BTN3A1: variants seen among roughly 807,000 people sequenced by gnomAD.
The protein encoded by BTN3A1 is butyrophilin subfamily 3 member A1, also known as dJ45P21.3 (butyrophilin, subfamily 3, member A1).
A neutral mutation model predicts 43.0 loss-of-function variants in BTN3A1; 24 were observed. The ratio of observed to expected loss-of-function variants is 0.56; its 90% CI spans 0.40 to 0.78. The LOEUF (loss-of-function observed/expected upper bound fraction) is 0.78. Among genes scored for constraint, BTN3A1 ranks in the 30% least tolerant of loss-of-function variants. The probability of loss-of-function intolerance (pLI) is 0.00; values close to 1 mark genes in which losing one functional copy is unlikely to be tolerated. For synonymous variants in BTN3A1, 181 were observed against 234.7 expected, an observed-to-expected ratio of 0.77 and a Z score of 2.09; for missense variants, 533 against 626.2, an observed-to-expected ratio of 0.85 and a Z score of 1.59.
Position 26,413,476 on chromosome 6 carries a change from G to A in BTN3A1, c.1326G>A (p.Arg442=). 6.2e-7 allele frequency: 1 copy of A among 1,614,116 alleles called. No homozygotes were observed. Residue 442 remains arginine, a synonymous_variant, in exon 10 of 10, where the codon CGG becomes CGA. Coordinates refer to ENST00000289361, the MANE Select transcript of BTN3A1 (RefSeq NM_007048.6). ...TMGLTDGNKY[R]TLTEPRTNLK... ...GGCTGACTGATGGGAATAAGTATCGGACTCTAACTGAGCCCAGAACCAACC... is the reference window on the plus strand; with the variant it reads ...GGCTGACTGATGGGAATAAGTATCGAACTCTAACTGAGCCCAGAACCAACC...
rs1762074831 is a variant in BTN3A1 at position 26,407,874 on chromosome 6, A to G, written c.637A>G (p.Ser213Gly). 1.2e-6 allele frequency: 2 copies of G among 1,614,100 alleles called. No homozygotes were observed. The highest frequency in any genetic ancestry group is 2.2e-5 in the South Asian group (2 of 91,090). ...AVAASVIMRG[S>G]SGEGVSCTIR... is the part of the protein sequence containing the mutation. ...AGCAGCATCTGTGATCATGAGAGGC[A>G]GCTCTGGGGAGGGTGTATCCTGTAC... The change falls in exon 4 of 10, where the codon AGC (serine) becomes GGC (glycine). Residue 213 changes from serine to glycine, a missense_variant. Physicochemically the swap from Ser to Gly is moderately conservative, Grantham distance 56. Transcript: ENST00000289361.
Position 26,414,052 on chromosome 6 carries a change from G to A in BTN3A1, c.*360G>A, listed in dbSNP as rs1762313951. The A allele has an allele frequency of 3.1e-6, 1 of 322,514 alleles. No homozygotes were observed. The highest frequency in any genetic ancestry group is 2.8e-5 in the South Asian group (1 of 35,276). The allele number at this position is 322,514 out of a possible 1,614,324, so 20.0% of individuals were successfully genotyped here. A position where few individuals can be genotyped will look rare whatever the true frequency, so the allele number is the denominator to read the frequency against. On this transcript the variant is annotated 3_prime_UTR_variant, in exon 10 of 10. Transcript: ENST00000289361. ...TAACAACACAGCTGGGATCTAAACAGCAATAACTAACATTAATGGAGAACT... is the reference window on the plus strand; with the variant it reads ...TAACAACACAGCTGGGATCTAAACAACAATAACTAACATTAATGGAGAACT...
intron 3 of BTN3A1, 92 bp from the exon 4 acceptor site, chr6:26,407,579 T>A: frequency 1.4e-6 from 2 of 1,447,906 alleles, no homozygotes; most frequent in Non-Finnish European, 1.9e-6. Flanking sequence ...AAATTGTTCT[T>A]GAATTATGGA....
chr6:26,410,980 G>A, intron 7 of BTN3A1, 129 bp from the exon 8 acceptor site: 1 of 697,908 alleles, frequency 1.4e-6, no homozygotes, highest in Non-Finnish European at 2.2e-6. Flanking sequence ...TGAACCTGCA[G>A]AGGAGGAAGA....
At chr6:26,410,588 A>G (rs925759970) in intron 7 of BTN3A1, among the ~76,000 whole-genome samples, 1 of 151,828 alleles carries the variant, frequency 6.6e-6, no homozygotes, top group African/African-American at 2.4e-5. Context: ...GTTGGTACCA[A>G]TTTATTCTAA....
rs367970078 is a variant in BTN3A1, at chr6:26,412,680, T to G, written c.1019-489T>G. The G allele has an allele frequency of 4.8e-4, 747 of 1,551,292 alleles. 1 individual carries two copies. The highest frequency in any genetic ancestry group is 6.2e-4 in the Non-Finnish European group (715 of 1,146,838). ...GATTGCCTTCTACAGCGCTAGAGAT[T>G]CATTTGTTTATCCCCATTTTTCAGG... On this transcript the variant is annotated intron_variant, in intron 9 of 9. Transcript: ENST00000289361.
Position 26,409,554 on chromosome 6 carries a change from A to G in BTN3A1, c.737A>G (p.Gln246Arg), listed in dbSNP as rs145059723. ...ACAGACCCCTTCTTCAGGAGCGCCC[A>G]GAGGTGGATCGCCGCCCTGGCAGGG... ...SIADPFFRSA[Q>R]RWIAALAGTL... Residue 246 changes from glutamine (Q) to arginine (R), a missense_variant, in exon 5 of 10, where the codon CAG becomes CGG. Physicochemically the swap from Gln to Arg is conservative, Grantham distance 43. Coordinates refer to ENST00000289361, the MANE Select transcript of BTN3A1 (RefSeq NM_007048.6). 1,526 of 1,613,742 alleles carry G rather than the reference A, an allele frequency of 9.5e-4. 1 individual carries two copies. Among genetic ancestry groups the G allele is most frequent in the Non-Finnish European group, 1.2e-3 (1,468 of 1,179,964 alleles).
rs768511651 is a variant in BTN3A1, at chr6:26,409,520, G to A, written c.716-13G>A. ...GCACCGGCCCCCATGACCCACAGCC[G>A]TTGCCTTCACAGACCCCTTCTTCAG... is the stretch of plus-strand genomic sequence containing the variant. On this transcript the variant is annotated splice_polypyrimidine_tract_variant and intron_variant, in intron 4 of 9. Transcript: ENST00000289361. 23 of 1,612,632 alleles carry A rather than the reference G, an allele frequency of 1.4e-5. No homozygotes were observed. Among genetic ancestry groups the A allele is most frequent in the East Asian group, 2.2e-5 (1 of 44,866 alleles).
intron 9 of BTN3A1, chr6:26,411,829 A>C (rs1762231508): frequency 2.0e-6 from 1 of 492,356 alleles, no homozygotes; most frequent in Non-Finnish European, 3.6e-6. Flanking sequence ...GAAGGAAGAC[A>C]TATAAAGGGT....
At chr6:26,402,761 T>C (rs1561841838) in intron 1 of BTN3A1, among the ~76,000 whole-genome samples, 1 of 152,230 alleles carries the variant, frequency 6.6e-6, no homozygotes, top group Non-Finnish European at 1.5e-5. Context: ...GATTCATATG[T>C]AAATTTGTTC....
intron 3 of BTN3A1, among the ~76,000 whole-genome samples, chr6:26,406,989 C>T (rs1762041893): frequency 6.6e-6 from 1 of 152,156 alleles, no homozygotes; most frequent in South Asian, 2.1e-4. Flanking sequence ...ACAGCAATCC[C>T]TCATTGCTGA....
In BTN3A1 at chr6:26,409,549, C is replaced by G; in HGVS notation, c.732C>G (p.Ser244Arg). 6.2e-7 allele frequency: 1 copy of G among 1,613,820 alleles called. No homozygotes were observed. Among genetic ancestry groups the G allele is most frequent in the Admixed American group, 1.7e-5 (1 of 59,994 alleles). Residue 244 changes from serine to arginine, a missense_variant, in exon 5 of 10, where the codon AGC becomes AGG. Around this residue, in one of 4 missense-constraint regions of BTN3A1, gnomAD observed 415 missense variants for 427.0 expected, o/e 0.97. Coordinates refer to ENST00000289361, the MANE Select transcript of BTN3A1 (RefSeq NM_007048.6). Reference sequence around the variant, plus strand: ...CCTTCACAGACCCCTTCTTCAGGAGCGCCCAGAGGTGGATCGCCGCCCTGG... The same window carrying G: ...CCTTCACAGACCCCTTCTTCAGGAGGGCCCAGAGGTGGATCGCCGCCCTGG... The part of the protein sequence containing the change: ...SISIADPFFR[S>R]AQRWIAALAG...
chr6:26,407,845 C>G lies in BTN3A1; in HGVS notation c.608C>G (p.Ala203Gly). The G allele has an allele frequency of 6.2e-7, 1 of 1,614,200 alleles. No homozygotes were observed. Among genetic ancestry groups the G allele is most frequent in the Non-Finnish European group, 8.5e-7 (1 of 1,180,038 alleles). The change falls in exon 4 of 10, where the codon GCA becomes GGA. Residue 203 changes from alanine to glycine, a missense_variant. By Grantham distance (60) the Ala-to-Gly change is moderately conservative. Transcript: ENST00000289361. ...PVVADGVGLYAVAASVIMRGS... is the reference protein window; with the variant it reads ...PVVADGVGLYGVAASVIMRGS... Reference sequence around the variant, plus strand: ...GTTGCAGACGGAGTGGGCCTGTATGCAGTAGCAGCATCTGTGATCATGAGA... The same window carrying G: ...GTTGCAGACGGAGTGGGCCTGTATGGAGTAGCAGCATCTGTGATCATGAGA...
Position 26,413,629 on chromosome 6 carries a change from T to G in BTN3A1, c.1479T>G (p.Ala493=). The change falls in exon 10 of 10, where the codon GCT becomes GCG. Residue 493 remains alanine (A), a synonymous_variant. Coordinates refer to ENST00000289361, the MANE Select transcript of BTN3A1 (RefSeq NM_007048.6). The stretch of plus-strand genomic sequence containing the variant: ...TCCTGGACGTCTCCTTCTCTGAGGC[T>G]CTATATCCTGTTTTCAGAATTTTGA... The part of the protein sequence containing the change: ...HTFLDVSFSE[A]LYPVFRILTL... The G allele has an allele frequency of 6.2e-7, 1 of 1,614,118 alleles. No homozygotes were observed. The highest frequency in any genetic ancestry group is 1.1e-5 in the South Asian group (1 of 91,082).
chr6:26,412,682 A>G, intron 9 of BTN3A1: 1 of 1,551,384 alleles, frequency 6.4e-7, no homozygotes, highest in Non-Finnish European at 8.7e-7. Flanking sequence ...CTAGAGATTC[A>G]TTTGTTTATC....
Position 26,413,847 on chromosome 6 carries a change from C to T in BTN3A1, c.*155C>T. ...CCAGCTCAGAGCTGAGGGCCTCCCC[C>T]TCCACAGCAACCAATCACAACCATA... On this transcript the variant is annotated 3_prime_UTR_variant, in exon 10 of 10. Coordinates refer to ENST00000289361, the MANE Select transcript of BTN3A1 (RefSeq NM_007048.6). 4 of 1,424,108 alleles carry T rather than the reference C, an allele frequency of 2.8e-6. No homozygotes were observed. The highest frequency in any genetic ancestry group is 1.9e-5 in the Admixed American group (1 of 52,732). 88.2% of individuals were successfully genotyped at this position (1,424,108 alleles called of 1,614,324 possible). A position where few individuals can be genotyped will look rare whatever the true frequency, so the allele number is the denominator to read the frequency against.
Position 26,411,142 on chromosome 6 carries a change from G to A in BTN3A1, c.991+7G>A. 1 of 1,609,184 alleles carries A rather than the reference G, an allele frequency of 6.2e-7. No individual in the cohort carries two copies. The highest frequency in any genetic ancestry group is 8.5e-7 in the Non-Finnish European group (1 of 1,178,216). Reference sequence around the variant, plus strand: ...AGACATTCAGCCTATAATGGTGAGTGAACCTGATGCTCTCTGAGTTTGCTG... The same window carrying A: ...AGACATTCAGCCTATAATGGTGAGTAAACCTGATGCTCTCTGAGTTTGCTG... On this transcript the variant is annotated splice_region_variant and intron_variant, in intron 8 of 9. Coordinates refer to ENST00000289361, the MANE Select transcript of BTN3A1 (RefSeq NM_007048.6).
At chr6:26,408,213 G>A (rs931468007) in intron 4 of BTN3A1, among the ~76,000 whole-genome samples, 21 of 152,078 alleles carry the variant, frequency 1.4e-4, no homozygotes, top group Middle Eastern at 6.8e-3. Flanking sequence ...GATAAGCTGC[G>A]TATGTAAAGT....
chr6:26,405,848 C>A (rs950454895), intron 2 of BTN3A1, 61 bp from the exon 3 acceptor site: 1 of 1,612,118 alleles, frequency 6.2e-7, no homozygotes, highest in Non-Finnish European at 8.5e-7. Flanking sequence ...TGAGAAGCAC[C>A]CTTCCTCTCA....
Sources: allele counts gnomAD v4.1 joint callset (sites outside exome capture counted in the v4.1 genomes callset), GRCh38; gene constraint gnomAD v4.1.1; regional missense constraint gnomAD v4.1.1; transcripts MANE v1.5; gene names NCBI Gene and HGNC (gene_info 2026-07-23, HGNC 2026-07-21).